RNASEH1: variants seen among roughly 807,000 people sequenced by gnomAD.
The protein encoded by RNASEH1 is ribonuclease H1.
Under a neutral mutation model 34.6 loss-of-function variants are expected in RNASEH1, and 27 were observed. The ratio of observed to expected loss-of-function variants is 0.78; its 90% CI spans 0.58 to 1.08. The LOEUF (loss-of-function observed/expected upper bound fraction) is 1.08, where lower values mean the gene tolerates loss of function less well. Ranked by LOEUF, RNASEH1 falls within the 50% of genes least tolerant of loss-of-function variation. The pLI is 0.00. For synonymous variants in RNASEH1, 162 were observed against 138.4 expected, an observed-to-expected ratio of 1.17 and a Z score of -1.20; for missense variants, 349 against 373.6, an observed-to-expected ratio of 0.93 and a Z score of 0.54.
chr2:3,545,772 A>C lies in RNASEH1; in HGVS notation c.*13T>G. On this transcript the variant is annotated 3_prime_UTR_variant, in exon 8 of 8. Coordinates refer to ENST00000315212, the MANE Select transcript of RNASEH1 (RefSeq NM_002936.6). Reference sequence around the variant, plus strand: ...GCTGGCTCAAGTTCTCCCAAGGACTAAAGTCACATGGCTCAGTCTTCCGAT... The same window carrying C: ...GCTGGCTCAAGTTCTCCCAAGGACTCAAGTCACATGGCTCAGTCTTCCGAT... The C allele has an allele frequency of 6.3e-7, 1 of 1,598,322 alleles. No homozygotes were observed.
intron 2 of RNASEH1, among the ~76,000 whole-genome samples, chr2:3,554,879 G>A (rs1660331702): frequency 6.6e-6 from 1 of 152,196 alleles, no homozygotes; most frequent in Non-Finnish European, 1.5e-5. Flanking sequence ...GTAGAAAAAT[G>A]AACAGCTGTA....
intron 6 of RNASEH1, 49 bp downstream of exon 6, chr2:3,548,591 C>A (rs1668979530): frequency 7.8e-7 from 1 of 1,278,668 alleles, no homozygotes; most frequent in African/African-American, 1.5e-5. Flanking sequence ...CTACCAATTT[C>A]CCTTCACAGT....
chr2:3,557,938 T>G lies in RNASEH1; in HGVS notation c.128+195A>C, dbSNP rs62106013. 0.35 allele frequency: 542,996 copies of G among 1,529,976 alleles called. 101,674 individuals are homozygous for G. The highest frequency in any genetic ancestry group is 0.56 in the East Asian group (22,472 of 40,292). The allele number at this position is 1,529,976 out of a possible 1,614,324, so 94.8% of individuals were successfully genotyped here. A position where few individuals can be genotyped will look rare whatever the true frequency, so the allele number is the denominator to read the frequency against. Reference sequence around the variant, plus strand: ...ATATTTCAAACAAGTCTTCGGTGCGTTCCAGTCCCAGGCCATGAGCCTCCT... The same window carrying G: ...ATATTTCAAACAAGTCTTCGGTGCGGTCCAGTCCCAGGCCATGAGCCTCCT... On this transcript the variant is annotated intron_variant, in intron 1 of 7. Transcript: ENST00000315212.
rs1659742511 is a variant in RNASEH1 at position 3,550,484 on chromosome 2, G to A, written c.410-12C>T. On this transcript the variant is annotated splice_polypyrimidine_tract_variant and intron_variant, in intron 3 of 7. Coordinates refer to ENST00000315212, the MANE Select transcript of RNASEH1 (RefSeq NM_002936.6). ...GACGACGAAGTCTCCTGTGGGAAAAGGAAGTACATGCTGCTGGGCTGACCT... is the reference window on the plus strand; with the variant it reads ...GACGACGAAGTCTCCTGTGGGAAAAAGAAGTACATGCTGCTGGGCTGACCT... The A allele has an allele frequency of 3.1e-6, 5 of 1,598,992 alleles. No homozygotes were observed. The highest frequency in any genetic ancestry group is 3.4e-6 in the Non-Finnish European group (4 of 1,166,260).
chr2:3,549,656 C>T (rs924514109), intron 4 of RNASEH1, among the ~76,000 whole-genome samples: 1 of 150,086 alleles, frequency 6.7e-6, no homozygotes, highest in South Asian at 2.1e-4. Context: ...TGAGCCCAGC[C>T]TGGGCAACAT....
chr2:3,548,967 T>TG (rs1222183064), intron 5 of RNASEH1, 91 bp downstream of exon 5: 1 of 1,056,550 alleles, frequency 9.5e-7, no homozygotes, highest in African/African-American at 1.6e-5. Context: ...ATATCTTATA[T>TG]GTATAGGTAG....
At chr2:3,534,726 G>T in the RNASEH1 span, among the ~76,000 whole-genome samples, 1 of 152,242 alleles carries the variant, frequency 6.6e-6, no homozygotes, top group Non-Finnish European at 1.5e-5. Flanking sequence ...GCCGAGTGAG[G>T]CCAGGCAGGG....
the RNASEH1 span, chr2:3,531,959 A>G: frequency 2.8e-6 from 1 of 358,204 alleles, no homozygotes; most frequent in Non-Finnish European, 5.2e-6. Context: ...TACCTGCCGT[A>G]TAGCTGAGGC....
intron 7 of RNASEH1, 91 bp downstream of exon 7, chr2:3,547,840 C>T (rs1668904538): frequency 1.6e-6 from 2 of 1,249,336 alleles, no homozygotes; most frequent in East Asian, 2.3e-5. Context: ...ATTGTTATGT[C>T]ATTAAACCAC....
rs1177050030 is a variant in RNASEH1, at chr2:3,552,365, A to G, written c.245-57T>C. Reference sequence around the variant, plus strand: ...AACAATGAACATAACACGAAATGCTAGAGAATGAAGACATTCAGTAAATTA... The same window carrying G: ...AACAATGAACATAACACGAAATGCTGGAGAATGAAGACATTCAGTAAATTA... On this transcript the variant is annotated intron_variant, in intron 2 of 7. Coordinates refer to ENST00000315212, the MANE Select transcript of RNASEH1 (RefSeq NM_002936.6). The G allele has an allele frequency of 6.0e-6, 9 of 1,494,152 alleles. 1 individual carries two copies. The highest frequency in any genetic ancestry group is 8.3e-6 in the Non-Finnish European group (9 of 1,087,018). 92.6% of individuals were successfully genotyped at this position (1,494,152 alleles called of 1,614,324 possible).
In RNASEH1 at chr2:3,545,226, G is replaced by A. The variant is rs191152007; in HGVS notation, c.*559C>T. Reference sequence around the variant, plus strand: ...TAGCAGCCAGGGTCGCCGCAGGCAGGCTTTGCCCTATACTAACTGCCCAGC... The same window carrying A: ...TAGCAGCCAGGGTCGCCGCAGGCAGACTTTGCCCTATACTAACTGCCCAGC... On this transcript the variant is annotated 3_prime_UTR_variant, in exon 8 of 8. Transcript: ENST00000315212. 1 of 152,856 alleles carries A rather than the reference G, an allele frequency of 6.5e-6. No homozygotes were observed. Among genetic ancestry groups the A allele is most frequent in the South Asian group, 2.0e-4 (1 of 4,894 alleles). The allele number at this position is 152,856 out of a possible 1,614,324, so 9.5% of individuals were successfully genotyped here.
At chr2:3,532,842 A>G in the RNASEH1 span, among the ~76,000 whole-genome samples, 2 of 152,194 alleles carry the variant, frequency 1.3e-5, no homozygotes, top group Non-Finnish European at 2.9e-5. Context: ...TGTAGAAATC[A>G]TATTTTCTAG....
the RNASEH1 span, among the ~76,000 whole-genome samples, chr2:3,534,417 C>A: frequency 6.6e-6 from 1 of 152,250 alleles, no homozygotes; most frequent in Non-Finnish European, 1.5e-5. Flanking sequence ...AGAGCCCAGA[C>A]ATCAGACTCC....
chr2:3,549,260 G>C (rs1669056509), intron 4 of RNASEH1, 148 bp from the exon 5 acceptor site: 2 of 716,748 alleles, frequency 2.8e-6, no homozygotes. Context: ...TCCCAGCAGA[G>C]AGCAGCACAC....
the RNASEH1 span, among the ~76,000 whole-genome samples, chr2:3,535,011 C>T: frequency 6.6e-6 from 1 of 152,170 alleles, no homozygotes. Context: ...GAGTCCGTGT[C>T]CAACACGAAC....
chr2:3,546,488 T>G (rs1668766276), intron 7 of RNASEH1, among the ~76,000 whole-genome samples: 1 of 152,264 alleles, frequency 6.6e-6, no homozygotes, highest in Non-Finnish European at 1.5e-5. Flanking sequence ...ACCTTACTAT[T>G]GTTTGAAACA....
chr2:3,557,901 G>A (rs1354018977), intron 1 of RNASEH1: 16 of 1,509,736 alleles, frequency 1.1e-5, no homozygotes, highest in South Asian at 6.0e-5. Context: ...TAACCTTTAC[G>A]CGACGTTTCT....
downstream of RNASEH1, among the ~76,000 whole-genome samples, chr2:3,541,284 A>C (rs1572274378): frequency 6.6e-6 from 1 of 151,420 alleles, no homozygotes; most frequent in South Asian, 2.1e-4. Context: ...AGCCAAGATC[A>C]CGCCACTGCA....
chr2:3,550,345 C>T (rs1296093153), intron 4 of RNASEH1, 28 bp downstream of exon 4: 5 of 1,508,030 alleles, frequency 3.3e-6, no homozygotes, highest in Non-Finnish European at 4.6e-6. Context: ...GAACATGATT[C>T]AGTAAAACTC....
Sources: allele counts gnomAD v4.1 joint callset (sites outside exome capture counted in the v4.1 genomes callset), GRCh38; gene constraint gnomAD v4.1.1; transcripts MANE v1.5; gene names NCBI Gene and HGNC (gene_info 2026-07-23, HGNC 2026-07-21).